Variants in AFF1 observed in about 807,000 individuals in gnomAD.
AFF1 encodes ALF transcription elongation factor 1.
A neutral mutation model predicts 121.7 loss-of-function variants in AFF1; 48 were observed. That is an observed-to-expected ratio of 0.39 (90% confidence interval 0.31 to 0.50). The LOEUF (loss-of-function observed/expected upper bound fraction) is 0.50. Ranked by LOEUF, AFF1 falls within the 20% of genes least tolerant of loss-of-function variation. The probability of loss-of-function intolerance (pLI) is 0.76; values close to 1 mark genes in which losing one functional copy is unlikely to be tolerated. For synonymous variants in AFF1, 613 were observed against 563.0 expected (o/e 1.09, Z -1.26); for missense variants, 1,523 against 1,511.7 (o/e 1.01, Z -0.12).
chr4:86,961,048 C>G (rs1722105917), intron 2 of AFF1, among the ~76,000 whole-genome samples: 1 of 152,172 alleles, frequency 6.6e-6, no homozygotes, highest in Non-Finnish European at 1.5e-5. Flanking sequence ...AAGCTATCCT[C>G]CAGATGAAAT....
At chr4:86,998,185 C>T (rs1245602629) in intron 2 of AFF1, among the ~76,000 whole-genome samples, 1 of 147,046 alleles carries the variant, frequency 6.8e-6, no homozygotes, top group East Asian at 2.0e-4. Flanking sequence ...ACCAATGGAA[C>T]AGGGCTCTAT....
At chr4:86,943,730 T>C (rs1052837172) in intron 1 of AFF1, among the ~76,000 whole-genome samples, 30 of 151,478 alleles carry the variant, frequency 2.0e-4, no homozygotes, top group African/African-American at 7.3e-4. Context: ...GAGGCTGAGG[T>C]GGGCAGATCA....
At chr4:86,951,877 G>A (rs1721370368) in intron 2 of AFF1, among the ~76,000 whole-genome samples, 1 of 150,566 alleles carries the variant, frequency 6.6e-6, no homozygotes, top group Admixed American at 6.6e-5. Context: ...GCCTCCCAAA[G>A]TGCTGGGATT....
intron 2 of AFF1, among the ~76,000 whole-genome samples, chr4:86,996,064 G>A (rs1288484989): frequency 1.3e-5 from 2 of 151,578 alleles, no homozygotes; most frequent in Admixed American, 6.6e-5. Flanking sequence ...AGTGAGGAGC[G>A]TCTCTGCCCG....
chr4:86,973,179 A>C (rs894775529), intron 2 of AFF1, among the ~76,000 whole-genome samples: 1 of 152,080 alleles, frequency 6.6e-6, no homozygotes, highest in Non-Finnish European at 1.5e-5. Flanking sequence ...AGATTATTTC[A>C]CTTGGGGCCT....
At chr4:87,055,022 G>A (rs1408461372) in intron 4 of AFF1, among the ~76,000 whole-genome samples, 1 of 152,112 alleles carries the variant, frequency 6.6e-6, no homozygotes, top group Non-Finnish European at 1.5e-5. Context: ...CTCTCACCCG[G>A]GCTGGAATGC....
At chr4:87,126,472 ATGCTACTTTT>A in intron 14 of AFF1, 136 bp downstream of exon 14, 1 of 787,264 alleles carries the variant, frequency 1.3e-6, no homozygotes, top group South Asian at 1.8e-5. Context: ...TGTGTTTAAA[ATGCTACTTTT>A]TGGAGGGAGA....
At chr4:86,955,085 G>A (rs2149460062) in intron 2 of AFF1, among the ~76,000 whole-genome samples, 1 of 151,832 alleles carries the variant, frequency 6.6e-6, no homozygotes, top group Middle Eastern at 3.4e-3. Flanking sequence ...TATTCTTTCT[G>A]CTTTTGGTTT....
intron 2 of AFF1, among the ~76,000 whole-genome samples, chr4:86,962,418 A>T (rs1051723120): frequency 6.6e-6 from 1 of 152,194 alleles, no homozygotes; most frequent in Non-Finnish European, 1.5e-5. Flanking sequence ...AAATATATAC[A>T]TTTATTTAAA....
At chr4:87,016,381 T>C (rs1367129212) in intron 2 of AFF1, among the ~76,000 whole-genome samples, 1 of 151,604 alleles carries the variant, frequency 6.6e-6, no homozygotes, top group East Asian at 1.9e-4. Flanking sequence ...AAACCCCGTC[T>C]CTACTGAAAA....
chr4:86,947,334 T>C (rs976660103), intron 1 of AFF1, among the ~76,000 whole-genome samples: 2 of 152,020 alleles, frequency 1.3e-5, no homozygotes, highest in African/African-American at 4.8e-5. Flanking sequence ...TATGGAAACA[T>C]GTAGTTAGCA....
At chr4:87,132,467 T>C in intron 19 of AFF1, 59 bp downstream of exon 19, 1 of 1,531,434 alleles carries the variant, frequency 6.5e-7, no homozygotes, top group Non-Finnish European at 8.8e-7. Flanking sequence ...TATTTACTTC[T>C]TGCTTTTGCA....
intron 2 of AFF1, among the ~76,000 whole-genome samples, chr4:86,981,004 GT>G (rs570512802): frequency 3.3e-5 from 3 of 91,474 alleles, no homozygotes; most frequent in Non-Finnish European, 5.2e-5. Flanking sequence ...ACTTAACAGT[GT>G]TTTGTTTGTT....
intron 2 of AFF1, among the ~76,000 whole-genome samples, chr4:87,037,098 G>T (rs1729645807): frequency 1.3e-5 from 2 of 152,116 alleles, no homozygotes; most frequent in South Asian, 4.1e-4. Flanking sequence ...TCTAATGAGA[G>T]TTACTGCAAA....
At position 87,134,545 on chromosome 4, in the gene AFF1, G is replaced by T. The variant is rs574300864; in HGVS notation, c.3386G>T (p.Gly1129Val). The T allele has an allele frequency of 6.2e-7, 1 of 1,614,028 alleles. No homozygotes were observed. The highest frequency in any genetic ancestry group is 1.3e-5 in the African/African-American group (1 of 75,030). The stretch of plus-strand genomic sequence containing the variant: ...TCCGTAGGGTCCCAGTCAAGTGCTG[G>T]CAGTGTGGGGAGCAGTGGGGTGGCT... Reference protein sequence around the residue: ...ASSVGSQSSAGSVGSSGVAAT... With the variant: ...ASSVGSQSSAVSVGSSGVAAT... The change falls in exon 20 of 21, where the codon GGC (glycine) becomes GTC (valine). Residue 1129 changes from glycine to valine, a missense_variant. Coordinates refer to ENST00000395146, the MANE Select transcript of AFF1 (RefSeq NM_001166693.3).
At chr4:87,120,134 A>C (rs1232118637) in intron 12 of AFF1, among the ~76,000 whole-genome samples, 1 of 152,206 alleles carries the variant, frequency 6.6e-6, no homozygotes, top group Non-Finnish European at 1.5e-5. Context: ...GCGTTCCCTC[A>C]CCAAAGAGAA....
At chr4:86,957,975 C>T (rs1173328661) in intron 2 of AFF1, among the ~76,000 whole-genome samples, 1 of 152,064 alleles carries the variant, frequency 6.6e-6, no homozygotes, top group Non-Finnish European at 1.5e-5. Context: ...ATGTGCATCT[C>T]TAAAAATATA....
At chr4:87,085,954 G>T (rs1266058210) in intron 5 of AFF1, among the ~76,000 whole-genome samples, 4 of 151,996 alleles carry the variant, frequency 2.6e-5, no homozygotes, top group Non-Finnish European at 4.4e-5. Flanking sequence ...GGCCAGGCTG[G>T]TCTCAAATGC....
intron 2 of AFF1, among the ~76,000 whole-genome samples, chr4:86,987,037 G>A (rs1724342639): frequency 6.6e-6 from 1 of 151,926 alleles, no homozygotes; most frequent in East Asian, 1.9e-4. Flanking sequence ...AGAGATGGGG[G>A]TCTTGCTATG....
Sources: gnomAD v4.1 joint callset for allele counts (sites outside exome capture counted in the v4.1 genomes callset) on GRCh38, gnomAD v4.1.1 for gene constraint, MANE v1.5 for transcripts, NCBI Gene and HGNC (gene_info 2026-07-23, HGNC 2026-07-21) for gene names.